Variants in MAPK10 observed in about 807,000 individuals in gnomAD.
The protein encoded by MAPK10 is mitogen-activated protein kinase 10, also known as JNK3 alpha protein kinase.
MAPK10 carries 25 observed loss-of-function variants against 59.3 expected under a neutral mutation model. The observed-to-expected ratio is 0.42, with a 90% CI of 0.31 to 0.59. The LOEUF (loss-of-function observed/expected upper bound fraction) is 0.59. Ranked by LOEUF, MAPK10 falls within the 20% of genes least tolerant of loss-of-function variation. The pLI is 0.15. For synonymous variants in MAPK10, 190 were observed against 200.5 expected, an observed-to-expected ratio of 0.95 and a Z score of 0.44; for missense variants, 351 against 568.9, an observed-to-expected ratio of 0.62 and a Z score of 3.90.
chr4:86,380,859 T>TAAAAAAAA (rs35581530), intron 1 of MAPK10, among the ~76,000 whole-genome samples: 6 of 137,110 alleles, frequency 4.4e-5, no homozygotes, highest in Non-Finnish European at 6.2e-5. Context: ...TGGAAAGCAT[T>TAAAAAAAA]AAAAAAAAAA....
chr4:86,560,373 G>A (rs1223277645), intron 1 of MAPK10, among the ~76,000 whole-genome samples: 1 of 152,136 alleles, frequency 6.6e-6, no homozygotes, highest in Non-Finnish European at 1.5e-5. Context: ...TTTTTAAAAT[G>A]GAAATATGCT....
chr4:86,431,322 T>C (rs1323648623), intron 1 of MAPK10, among the ~76,000 whole-genome samples: 1 of 152,168 alleles, frequency 6.6e-6, no homozygotes, highest in Non-Finnish European at 1.5e-5. Context: ...GTTATAAACA[T>C]GAAAAGATAT....
chr4:86,162,709 C>T (rs1358850698), intron 3 of MAPK10, among the ~76,000 whole-genome samples: 1 of 152,046 alleles, frequency 6.6e-6, no homozygotes, highest in Non-Finnish European at 1.5e-5. Flanking sequence ...CATTCAATAT[C>T]ATTAATTCAA....
intron 2 of MAPK10, among the ~76,000 whole-genome samples, chr4:86,196,777 T>C (rs535460403): frequency 5.9e-5 from 9 of 152,222 alleles, no homozygotes. Context: ...TTTCTGCATA[T>C]GGCTAGCCAG....
chr4:86,225,315 C>G (rs2090417219), intron 2 of MAPK10, among the ~76,000 whole-genome samples: 1 of 152,098 alleles, frequency 6.6e-6, no homozygotes, highest in Non-Finnish European at 1.5e-5. Context: ...TTTTGTACAT[C>G]CCAGACACAG....
At chr4:86,149,761 T>C (rs925946481) in intron 4 of MAPK10, among the ~76,000 whole-genome samples, 3 of 152,202 alleles carry the variant, frequency 2.0e-5, no homozygotes, top group African/African-American at 7.2e-5. Flanking sequence ...TGTGCATACA[T>C]AGTTATTTCT....
chr4:86,253,742 A>T (rs1044931148), intron 2 of MAPK10, among the ~76,000 whole-genome samples: 5 of 65,348 alleles, frequency 7.7e-5, no homozygotes, highest in Non-Finnish European at 1.3e-4. Flanking sequence ...TAGTTTCAGA[A>T]GGAATGGTAC....
At chr4:86,082,854 G>C (rs1479435843) in intron 9 of MAPK10, among the ~76,000 whole-genome samples, 2 of 152,102 alleles carry the variant, frequency 1.3e-5, no homozygotes, top group Non-Finnish European at 2.9e-5. Context: ...AAGTGTCACA[G>C]GCTTATGGGG....
chr4:86,117,218 G>A (rs1324857955), intron 4 of MAPK10, among the ~76,000 whole-genome samples: 1 of 152,190 alleles, frequency 6.6e-6, no homozygotes, highest in Non-Finnish European at 1.5e-5. Context: ...AGACCAGCAT[G>A]GGCAACATAG....
At chr4:86,371,632 C>A (rs371337777) in intron 1 of MAPK10, among the ~76,000 whole-genome samples, 91 of 152,260 alleles carry the variant, frequency 6.0e-4, no homozygotes, top group Non-Finnish European at 9.1e-4. Flanking sequence ...CAGCTCCCAG[C>A]GAGATCAATA....
chr4:86,170,226 T>C (rs2073652633), intron 3 of MAPK10, among the ~76,000 whole-genome samples: 1 of 152,082 alleles, frequency 6.6e-6, no homozygotes, highest in African/African-American at 2.4e-5. Flanking sequence ...ACTTTAAATG[T>C]AAATGGACTA....
intron 2 of MAPK10, among the ~76,000 whole-genome samples, chr4:86,283,102 C>T (rs767816272): frequency 1.3e-5 from 2 of 152,188 alleles, no homozygotes; most frequent in Non-Finnish European, 2.9e-5. Context: ...AAAGGATTCA[C>T]TGGTTTAGCA....
At chr4:86,276,135 T>G (rs1167876271) in intron 2 of MAPK10, among the ~76,000 whole-genome samples, 1 of 152,088 alleles carries the variant, frequency 6.6e-6, no homozygotes, top group Admixed American at 6.6e-5. Flanking sequence ...TATTGTTAGT[T>G]TTTTGTTTCT....
chr4:86,081,480 G>A (rs192795308), intron 9 of MAPK10: 5 of 151,686 alleles, frequency 3.3e-5, no homozygotes, highest in Admixed American at 3.3e-4. Context: ...AATTATATAA[G>A]GAATGTCTAC....
chr4:86,465,297 G>C (rs1428737249), intron 1 of MAPK10, among the ~76,000 whole-genome samples: 4 of 152,178 alleles, frequency 2.6e-5, no homozygotes, highest in Non-Finnish European at 5.9e-5. Flanking sequence ...TATTAAAACA[G>C]ATAATGCCCC....
chr4:86,154,925 T>C (rs2067324559), intron 4 of MAPK10, among the ~76,000 whole-genome samples: 1 of 152,070 alleles, frequency 6.6e-6, no homozygotes. Flanking sequence ...AAGAAATATA[T>C]ATTAAATACC....
At chr4:86,256,197 AC>A (rs1313791354) in intron 2 of MAPK10, among the ~76,000 whole-genome samples, 3 of 152,196 alleles carry the variant, frequency 2.0e-5, no homozygotes, top group African/African-American at 7.2e-5. Flanking sequence ...TTTTGTCTCT[AC>A]AATCAACCAA....
At chr4:86,417,201 TTTAAG>T (rs1249414523) in intron 1 of MAPK10, among the ~76,000 whole-genome samples, 2 of 152,196 alleles carry the variant, frequency 1.3e-5, no homozygotes, top group African/African-American at 4.8e-5. Flanking sequence ...TGCATAATTT[TTTAAG>T]TTATTTTAAA....
At chr4:86,092,521 T>C (rs557847512) in intron 9 of MAPK10, among the ~76,000 whole-genome samples, 16 of 152,116 alleles carry the variant, frequency 1.1e-4, no homozygotes, top group South Asian at 6.2e-4. Context: ...CCAACTCTTA[T>C]TGAACAGGAA....
Sources: gnomAD v4.1 joint callset for allele counts (sites outside exome capture counted in the v4.1 genomes callset) on GRCh38, gnomAD v4.1.1 for gene constraint, MANE v1.5 for transcripts, NCBI Gene and HGNC (gene_info 2026-07-23, HGNC 2026-07-21) for gene names.